UBE2Q1: variants seen among roughly 807,000 people sequenced by gnomAD.
UBE2Q1 encodes ubiquitin conjugating enzyme E2 Q1, also known as ubiquitin-conjugating enzyme E2 Q1.
UBE2Q1 carries 6 observed loss-of-function variants against 60.1 expected under a neutral mutation model. The observed-to-expected ratio is 0.10, with a 90% confidence interval of 0.05 to 0.20. The LOEUF (loss-of-function observed/expected upper bound fraction) is 0.20. Among genes scored for constraint, UBE2Q1 ranks in the 10% least tolerant of loss-of-function variants. The pLI, the probability that UBE2Q1 is intolerant of heterozygous loss-of-function variation, is 1.00. For missense variants in UBE2Q1, 262 were observed against 525.8 expected (o/e 0.50, Z 4.91); for synonymous variants, 226 against 208.3 (o/e 1.09, Z -0.73).
intron 1 of UBE2Q1, among the ~76,000 whole-genome samples, chr1:154,558,017 G>A (rs560980532): frequency 6.6e-6 from 1 of 152,006 alleles, no homozygotes; most frequent in East Asian, 1.9e-4. Flanking sequence ...CCATATGTCG[G>A]GGTGTCCCTT....
chr1:154,550,902 G>A (rs1355642584), intron 12 of UBE2Q1, 36 bp downstream of exon 12: 2 of 1,613,894 alleles, frequency 1.2e-6, no homozygotes, highest in East Asian at 2.2e-5. Flanking sequence ...GGTGTGGCAA[G>A]TGTCCGAATC....
At chr1:154,552,539 C>A in intron 6 of UBE2Q1, 75 bp from the exon 7 acceptor site, 1 of 1,561,284 alleles carries the variant, frequency 6.4e-7, no homozygotes, top group Admixed American at 1.7e-5. Flanking sequence ...ACCCCTTTCC[C>A]AGACTGAGAG....
At chr1:154,558,129 T>G in intron 1 of UBE2Q1, 98 bp downstream of exon 1, 1 of 1,010,262 alleles carries the variant, frequency 9.9e-7, no homozygotes. Context: ...GAGAGGGGCT[T>G]CGGCCTCCCA....
Position 154,558,459 on chromosome 1 carries a change from C to T in UBE2Q1, c.95G>A (p.Gly32Glu), listed in dbSNP as rs549444803. The change falls in exon 1 of 13, where the codon GGG becomes GAG. Residue 32 changes from glycine (G) to glutamate (E), a missense_variant. Transcript: ENST00000292211. ...GAAPGAGGGP[G>E]GGPGPGPCLR... ...GCAGGGCCCCGGCCCCGGGCCCCCC[C>T]CTGGGCCGCCCCCGGCCCCCGGCGC... 23 of 1,376,950 alleles carry T rather than the reference C, an allele frequency of 1.7e-5. No individual in the cohort carries two copies. In the Admixed American group the frequency reaches 6.4e-4, roughly 38 times the overall value. The allele number at this position is 1,376,950 out of a possible 1,614,324, so 85.3% of individuals were successfully genotyped here.
intron 2 of UBE2Q1, 35 bp downstream of exon 2, chr1:154,555,825 G>T: frequency 6.3e-7 from 1 of 1,594,840 alleles, no homozygotes; most frequent in South Asian, 1.1e-5. Flanking sequence ...GGCCTCATAA[G>T]AACAAAATGT....
intron 1 of UBE2Q1, among the ~76,000 whole-genome samples, chr1:154,557,139 A>G (rs1207521155): frequency 1.3e-5 from 2 of 152,218 alleles, no homozygotes; most frequent in Admixed American, 6.5e-5. Context: ...CCAAATCTTA[A>G]CTTGGTTTGA....
intron 2 of UBE2Q1, 28 bp downstream of exon 2, chr1:154,555,825 GAACAAAA>G (rs748505898): frequency 1.3e-6 from 2 of 1,594,840 alleles, no homozygotes; most frequent in Middle Eastern, 3.3e-4. Flanking sequence ...GGCCTCATAA[GAACAAAA>G]TGTACCCCTA....
At position 154,555,497 on chromosome 1, in the gene UBE2Q1, C is replaced by G; in HGVS notation, c.468G>C (p.Leu156=). The part of the protein sequence containing the change: ...LQHLKRIISD[L]CKLYNLPQHP... ...GCTGAGGGAGGTTATAGAGTTTACA[C>G]AGGTCGGAGATGATCCTCTTCAGAT... The change falls in exon 3 of 13, where the codon CTG becomes CTC. Residue 156 remains leucine (L), a synonymous_variant. Coordinates refer to ENST00000292211, the MANE Select transcript of UBE2Q1 (RefSeq NM_017582.7). 6.2e-7 allele frequency: 1 copy of G among 1,614,146 alleles called. No individual in the cohort carries two copies. Among genetic ancestry groups the G allele is most frequent in the Non-Finnish European group, 8.5e-7 (1 of 1,180,028 alleles).
At chr1:154,550,877 G>A in intron 12 of UBE2Q1, 61 bp downstream of exon 12, 1 of 1,613,532 alleles carries the variant, frequency 6.2e-7, no homozygotes, top group South Asian at 1.1e-5. Flanking sequence ...CTCTGTGGCT[G>A]GAAGTGAAAA....
chr1:154,555,593 T>C lies in UBE2Q1; in HGVS notation c.433-61A>G, dbSNP rs1194776440. ...CCCCACTCCGATCTGGATAAGTGCA[T>C]GGATGAGCTCTTAGTTTGGGCCCCA... On this transcript the variant is annotated intron_variant, in intron 2 of 12. Coordinates refer to ENST00000292211, the MANE Select transcript of UBE2Q1 (RefSeq NM_017582.7). 6.7e-6 allele frequency: 10 copies of C among 1,495,774 alleles called. No homozygotes were observed. In the East Asian group the frequency reaches 9.0e-5, roughly 14 times the overall value. The allele number at this position is 1,495,774 out of a possible 1,614,324, so 92.7% of individuals were successfully genotyped here. A position where few individuals can be genotyped will look rare whatever the true frequency, so the allele number is the denominator to read the frequency against.
rs541492258 is a variant in UBE2Q1, at chr1:154,549,128, G to A, written c.*1310C>T. On this transcript the variant is annotated 3_prime_UTR_variant, in exon 13 of 13. Coordinates refer to ENST00000292211, the MANE Select transcript of UBE2Q1 (RefSeq NM_017582.7). The stretch of plus-strand genomic sequence containing the variant: ...GTAGGTCCTAAGAGGCTGAGTCCCA[G>A]AGCAAGCTTACAGACAAAGAGATGC... The A allele has an allele frequency of 6.6e-6, 1 of 152,346 alleles. No homozygotes were observed. The highest frequency in any genetic ancestry group is 2.4e-5 in the African/African-American group (1 of 41,564). 9.4% of individuals were successfully genotyped at this position (152,346 alleles called of 1,614,324 possible).
chr1:154,550,562 TAAG>T (rs1273760859), intron 12 of UBE2Q1, 93 bp from the exon 13 acceptor site: 30 of 1,592,410 alleles, frequency 1.9e-5, no homozygotes, highest in Non-Finnish European at 2.5e-5. Context: ...GTGGCAGAGA[TAAG>T]AGGATATTGG....
In UBE2Q1 at chr1:154,552,111, T is replaced by A. The variant is rs370111804; in HGVS notation, c.948A>T (p.Leu316=). The change falls in exon 8 of 13, where the codon CTA becomes CTT. Residue 316 remains leucine (L), a synonymous_variant. Transcript: ENST00000292211. ...LKEKEGADFI[L]LNFSFKDNFP... ...GTCTTACTTTAAAGGAAAAGTTAAG[T>A]AGAATGAAGTCGGCTCCTTCTTTCT... is the stretch of plus-strand genomic sequence containing the variant. 1.0e-4 allele frequency: 167 copies of A among 1,614,094 alleles called. No individual in the cohort carries two copies. Among genetic ancestry groups the A allele is most frequent in the Non-Finnish European group, 8.2e-5 (97 of 1,180,042 alleles).
intron 4 of UBE2Q1, 74 bp downstream of exon 4, chr1:154,554,661 A>G: frequency 6.9e-7 from 1 of 1,446,058 alleles, no homozygotes; most frequent in Non-Finnish European, 9.6e-7. Context: ...TTTAGACTGG[A>G]GTTCTGGATA....
intron 1 of UBE2Q1, 97 bp from the exon 2 acceptor site, chr1:154,556,061 T>C: frequency 9.9e-7 from 1 of 1,007,510 alleles, no homozygotes; most frequent in Non-Finnish European, 1.5e-6. Flanking sequence ...CTAGCCCCTT[T>C]GCTTCCCACC....
At chr1:154,555,313 A>T in intron 3 of UBE2Q1, 115 bp downstream of exon 3, 1 of 861,174 alleles carries the variant, frequency 1.2e-6, no homozygotes, top group Non-Finnish European at 1.9e-6. Flanking sequence ...TAAGACGTGT[A>T]TGTTTTTGGG....
chr1:154,558,140 G>C, intron 1 of UBE2Q1, 87 bp downstream of exon 1: 3 of 1,165,216 alleles, frequency 2.6e-6, no homozygotes, highest in African/African-American at 3.2e-5. Flanking sequence ...CGGCCTCCCA[G>C]GTCCTTCGAG....
At chr1:154,556,763 T>G (rs1482417498) in intron 1 of UBE2Q1, among the ~76,000 whole-genome samples, 1 of 152,150 alleles carries the variant, frequency 6.6e-6, no homozygotes, top group Non-Finnish European at 1.5e-5. Context: ...ACCCCCTAAA[T>G]TTAACTTCCT....
At chr1:154,557,321 G>C (rs951644575) in intron 1 of UBE2Q1, among the ~76,000 whole-genome samples, 1 of 152,208 alleles carries the variant, frequency 6.6e-6, no homozygotes, top group Non-Finnish European at 1.5e-5. Flanking sequence ...CATCACAGCA[G>C]GTAACATCAA....
Sources: gnomAD v4.1 joint callset for allele counts (sites outside exome capture counted in the v4.1 genomes callset) on GRCh38, gnomAD v4.1.1 for gene constraint, MANE v1.5 for transcripts, NCBI Gene and HGNC (gene_info 2026-07-23, HGNC 2026-07-21) for gene names.